HCK: variants seen among roughly 807,000 people sequenced by gnomAD.
The protein encoded by HCK is HCK proto-oncogene, Src family tyrosine kinase, also known as tyrosine-protein kinase HCK.
Under a neutral mutation model 70.4 loss-of-function variants are expected in HCK, and 40 were observed. The observed-to-expected ratio is 0.57, with a 90% confidence interval of 0.44 to 0.74. The LOEUF is 0.74. Ranked by LOEUF, HCK falls within the 30% of genes least tolerant of loss-of-function variation. The pLI is 0.00. For missense variants in HCK, 568 were observed against 697.2 expected, an observed-to-expected ratio of 0.81 and a Z score of 2.09; for synonymous variants, 245 against 263.2, an observed-to-expected ratio of 0.93 and a Z score of 0.67.
At chr20:32,073,024 C>T (rs552020524) in intron 2 of HCK, among the ~76,000 whole-genome samples, 13 of 152,256 alleles carry the variant, frequency 8.5e-5, no homozygotes, top group East Asian at 3.9e-4. Flanking sequence ...CACTTGAACC[C>T]GAGAGGTGGA....
intron 2 of HCK, 31 bp downstream of exon 2, chr20:32,071,813 G>A (rs1416359275): frequency 1.9e-6 from 3 of 1,608,312 alleles, no homozygotes; most frequent in Admixed American, 3.4e-5. Context: ...TTTCCCTGGG[G>A]GCTGACGGAT....
intron 1 of HCK, among the ~76,000 whole-genome samples, chr20:32,058,119 C>G (rs2045301210): frequency 6.6e-6 from 1 of 152,168 alleles, no homozygotes; most frequent in African/African-American, 2.4e-5. Flanking sequence ...AAATGAAGAA[C>G]AGTGGGTACA....
intron 11 of HCK, among the ~76,000 whole-genome samples, chr20:32,095,030 C>T (rs1249451131): frequency 6.6e-6 from 1 of 152,130 alleles, no homozygotes; most frequent in Non-Finnish European, 1.5e-5. Flanking sequence ...AGCATTCTTC[C>T]TAATAGCCAA....
intron 1 of HCK, among the ~76,000 whole-genome samples, chr20:32,064,899 T>A (rs2045434134): frequency 1.3e-5 from 2 of 152,358 alleles, no homozygotes; most frequent in African/African-American, 4.8e-5. Flanking sequence ...CCCGAGGAAG[T>A]ATCTTTACCA....
chr20:32,098,659 G>T (rs2045989822), intron 11 of HCK, among the ~76,000 whole-genome samples: 1 of 152,104 alleles, frequency 6.6e-6, no homozygotes, highest in African/African-American at 2.4e-5. Context: ...CTGCAACCTG[G>T]ACTCAAGGCC....
At chr20:32,064,849 C>T (rs1025795000) in intron 1 of HCK, among the ~76,000 whole-genome samples, 3 of 152,214 alleles carry the variant, frequency 2.0e-5, no homozygotes, top group Non-Finnish European at 2.9e-5. Context: ...GAGGCTGAGG[C>T]GGTGAGGAGC....
intron 6 of HCK, among the ~76,000 whole-genome samples, chr20:32,080,434 C>T (rs1245590998): frequency 6.6e-6 from 1 of 151,986 alleles, no homozygotes. Context: ...CCTGACCTTG[C>T]GATCCACCCC....
rs1308784382 is a variant in HCK, at chr20:32,084,470, C to T, written c.762C>T (p.Ala254=). The change falls in exon 8 of 13, where the codon GCC becomes GCT. Residue 254 remains alanine, a synonymous_variant. Transcript: ENST00000375852. ...CCCAGAAGCCTTGGGAGAAAGATGC[C>T]TGGGAGATCCCTCGGGAATCCCTCA... The T allele has an allele frequency of 6.2e-7, 1 of 1,614,088 alleles. No homozygotes were observed. The highest frequency in any genetic ancestry group is 8.5e-7 in the Non-Finnish European group (1 of 1,180,002).
chr20:32,096,821 G>C (rs532655070), intron 11 of HCK, among the ~76,000 whole-genome samples: 2 of 152,178 alleles, frequency 1.3e-5, no homozygotes, highest in South Asian at 2.1e-4. Context: ...CTTAAGTAAG[G>C]GGGTATTAAC....
At chr20:32,100,209 ATTC>A (rs1405724755) in intron 12 of HCK, among the ~76,000 whole-genome samples, 1 of 152,090 alleles carries the variant, frequency 6.6e-6, no homozygotes, top group Non-Finnish European at 1.5e-5. Flanking sequence ...TGCCCAGCTA[ATTC>A]TTTAAATTTT....
chr20:32,073,367 T>C lies in HCK; in HGVS notation c.226+6T>C, dbSNP rs1362798586. ...CACACCAGGAATCAGGGAGGGTAAG[T>C]ATCTACGAGCAGATGCAGTGGAGTC... On this transcript the variant is annotated splice_donor_region_variant and intron_variant, in intron 3 of 12. Transcript: ENST00000375852. 3.1e-6 allele frequency: 5 copies of C among 1,611,028 alleles called. No individual in the cohort carries two copies. Among genetic ancestry groups the C allele is most frequent in the Non-Finnish European group, 4.2e-6 (5 of 1,178,692 alleles).
At chr20:32,073,270 C>T (rs2045570257) in intron 2 of HCK, 49 bp from the exon 3 acceptor site, 2 of 1,519,054 alleles carry the variant, frequency 1.3e-6, no homozygotes, top group Non-Finnish European at 1.8e-6. Context: ...TTCCACGGGT[C>T]CCCACACATT....
At chr20:32,053,692 C>G (rs1252085962) in intron 1 of HCK, among the ~76,000 whole-genome samples, 1 of 148,048 alleles carries the variant, frequency 6.8e-6, no homozygotes, top group East Asian at 2.0e-4. Context: ...AGAATGCTGT[C>G]TGACAGTACA....
At chr20:32,067,061 A>T (rs908123774) in intron 1 of HCK, among the ~76,000 whole-genome samples, 1 of 152,212 alleles carries the variant, frequency 6.6e-6, no homozygotes, top group Non-Finnish European at 1.5e-5. Context: ...ATACGAACTT[A>T]CTAACATACA....
At chr20:32,075,524 G>A (rs544674412) in intron 5 of HCK, among the ~76,000 whole-genome samples, 5 of 152,120 alleles carry the variant, frequency 3.3e-5, no homozygotes, top group South Asian at 2.1e-4. Flanking sequence ...TGATTCATTC[G>A]ACAAGCACAT....
intron 1 of HCK, chr20:32,069,720 TG>T: frequency 8.4e-7 from 1 of 1,196,148 alleles, no homozygotes; most frequent in Non-Finnish European, 1.1e-6. Context: ...AGTCTTGAGG[TG>T]GCAAATCTTT....
intron 1 of HCK, among the ~76,000 whole-genome samples, chr20:32,063,015 TCA>T (rs1296405620): frequency 6.6e-6 from 1 of 152,152 alleles, no homozygotes; most frequent in East Asian, 1.9e-4. Flanking sequence ...CCCTTCCCCT[TCA>T]TCGCCCACAG....
rs2045751297 is a variant in HCK, at chr20:32,084,318, G to A, written c.683-73G>A. The A allele has an allele frequency of 2.7e-6, 4 of 1,477,690 alleles. No individual in the cohort carries two copies. The South Asian group carries it at 5.2e-5, about 19-fold the overall frequency. 91.5% of individuals were successfully genotyped at this position (1,477,690 alleles called of 1,614,324 possible). A position where few individuals can be genotyped will look rare whatever the true frequency, so the allele number is the denominator to read the frequency against. The stretch of plus-strand genomic sequence containing the variant: ...TGGAGAGATCCAGTGGACCAGGTAG[G>A]GCGGCCTCCAAGGAGCAACCTCTGG... On this transcript the variant is annotated intron_variant, in intron 7 of 12. Coordinates refer to ENST00000375852, the MANE Select transcript of HCK (RefSeq NM_002110.5).
intron 9 of HCK, 109 bp downstream of exon 9, chr20:32,086,916 C>A: frequency 1.0e-6 from 1 of 972,976 alleles, no homozygotes. Flanking sequence ...CCAATCTGGC[C>A]AGGAGCTCTT....
Sources: allele counts gnomAD v4.1 joint callset (sites outside exome capture counted in the v4.1 genomes callset), GRCh38; gene constraint gnomAD v4.1.1; transcripts MANE v1.5; gene names NCBI Gene and HGNC (gene_info 2026-07-23, HGNC 2026-07-21).